Variants in DOCK10 observed in about 807,000 individuals in gnomAD.
DOCK10 encodes the protein dedicator of cytokinesis protein 10.
Under a neutral mutation model 280.1 loss-of-function variants are expected in DOCK10, and 145 were observed. The ratio of observed to expected loss-of-function variants is 0.52; its 90% CI spans 0.45 to 0.59. The LOEUF is 0.59. Among genes scored for constraint, DOCK10 ranks in the 20% least tolerant of loss-of-function variants. The pLI is 0.00. For synonymous variants in DOCK10, 915 were observed against 942.2 expected (o/e 0.97, Z 0.53); for missense variants, 2,368 against 2,651.7 (o/e 0.89, Z 2.35).
At chr2:224,866,216 T>C (rs1697902055) in intron 11 of DOCK10, among the ~76,000 whole-genome samples, 1 of 152,222 alleles carries the variant, frequency 6.6e-6, no homozygotes, top group Admixed American at 6.5e-5. Context: ...CAGTCAAAAC[T>C]GTTCCTCAGT....
intron 1 of DOCK10, among the ~76,000 whole-genome samples, chr2:224,950,624 C>T (rs993941765): frequency 9.9e-5 from 15 of 152,124 alleles, no homozygotes; most frequent in Non-Finnish European, 1.5e-4. Context: ...GAGGGTTTCC[C>T]CCCTTTATTT....
chr2:224,798,051 CAT>C, intron 41 of DOCK10, 82 bp from the exon 42 acceptor site: 1 of 1,404,480 alleles, frequency 7.1e-7, no homozygotes, highest in South Asian at 1.2e-5. Flanking sequence ...GTGAACCTGT[CAT>C]GTGGTAAGGC....
At chr2:224,997,819 G>A (rs1025531095) in intron 1 of DOCK10, among the ~76,000 whole-genome samples, 8 of 152,138 alleles carry the variant, frequency 5.3e-5, no homozygotes, top group Non-Finnish European at 7.3e-5. Context: ...TACCAAACAC[G>A]CAATATGGTT....
chr2:224,824,902 G>A (rs1339543261), intron 27 of DOCK10, among the ~76,000 whole-genome samples: 1 of 151,832 alleles, frequency 6.6e-6, no homozygotes, highest in Admixed American at 6.6e-5. Flanking sequence ...CATGAAGGCT[G>A]AAGTTACAGG....
chr2:224,844,631 T>A, intron 22 of DOCK10, 122 bp downstream of exon 22: 1 of 677,198 alleles, frequency 1.5e-6, no homozygotes, highest in South Asian at 1.8e-5. Context: ...TCCTTTGTAG[T>A]ATTCAAACAC....
chr2:225,038,328 G>T (rs2106145963), intron 1 of DOCK10, among the ~76,000 whole-genome samples: 1 of 151,720 alleles, frequency 6.6e-6, no homozygotes, highest in African/African-American at 2.4e-5. Context: ...ACCAAGTTCA[G>T]AGGGGAGAAA....
intron 19 of DOCK10, among the ~76,000 whole-genome samples, chr2:224,847,309 T>C (rs1324302186): frequency 1.3e-5 from 2 of 152,184 alleles, no homozygotes; most frequent in Non-Finnish European, 2.9e-5. Context: ...GGGCTGCACA[T>C]GTTAGGGGGC....
chr2:224,860,217 C>T (rs1286269821), intron 14 of DOCK10, among the ~76,000 whole-genome samples: 1 of 152,188 alleles, frequency 6.6e-6, no homozygotes, highest in Non-Finnish European at 1.5e-5. Flanking sequence ...AACTAGACAA[C>T]TTCAAAGCAG....
chr2:224,783,455 T>C (rs1022367902), intron 50 of DOCK10, among the ~76,000 whole-genome samples: 5 of 152,050 alleles, frequency 3.3e-5, no homozygotes, highest in Non-Finnish European at 1.5e-5. Context: ...TTTGTATTTT[T>C]AGTAGAGACA....
chr2:224,914,638 A>G (rs1701211713), intron 3 of DOCK10, among the ~76,000 whole-genome samples: 1 of 152,190 alleles, frequency 6.6e-6, no homozygotes, highest in Non-Finnish European at 1.5e-5. Context: ...AAAACACAAT[A>G]AAGAAACGCC....
At chr2:224,886,609 TAAC>T (rs1699299863) in intron 4 of DOCK10, 78 bp from the exon 5 acceptor site, 1 of 1,111,228 alleles carries the variant, frequency 9.0e-7, no homozygotes, top group African/African-American at 1.6e-5. Flanking sequence ...CAGGTAACAA[TAAC>T]AACTATGGTG....
chr2:224,973,886 C>G (rs1437214776), intron 1 of DOCK10, among the ~76,000 whole-genome samples: 1 of 152,182 alleles, frequency 6.6e-6, no homozygotes, highest in African/African-American at 2.4e-5. Flanking sequence ...CAATGTAAAT[C>G]AGGGCTGGCA....
intron 22 of DOCK10, among the ~76,000 whole-genome samples, chr2:224,843,842 G>A (rs374297773): frequency 1.4e-4 from 21 of 152,210 alleles, no homozygotes; most frequent in African/African-American, 4.1e-4. Flanking sequence ...ATAGACTTTC[G>A]CACTTCATGA....
In DOCK10 at chr2:224,954,708, T is replaced by C. The variant is rs79335593; in HGVS notation, c.124-23040A>G. 2.6e-4 allele frequency among the ~76,000 whole-genome samples: 39 copies of C among 152,360 alleles called. No homozygotes were observed. In the East Asian group the frequency reaches 6.6e-3, roughly 26 times the overall value. On this transcript the variant is annotated intron_variant, in intron 1 of 55. Transcript: ENST00000258390. ...TCATAGCATTTCTAAACATGTTTCA[T>C]ACAAATATATATGCCTGGATTGATA... is the stretch of plus-strand genomic sequence containing the variant.
chr2:224,949,931 T>G (rs1703635366), intron 1 of DOCK10, among the ~76,000 whole-genome samples: 1 of 152,132 alleles, frequency 6.6e-6, no homozygotes, highest in South Asian at 2.1e-4. Flanking sequence ...AAGAAAAAAT[T>G]AGAAATCTGC....
intron 1 of DOCK10, among the ~76,000 whole-genome samples, chr2:225,002,480 G>T (rs1706465471): frequency 6.6e-6 from 1 of 152,148 alleles, no homozygotes; most frequent in Non-Finnish European, 1.5e-5. Flanking sequence ...ACCTCTTAGG[G>T]TCCTTTATTG....
chr2:224,888,065 T>C (rs1302116367), intron 4 of DOCK10, among the ~76,000 whole-genome samples: 2 of 152,166 alleles, frequency 1.3e-5, no homozygotes, highest in African/African-American at 4.8e-5. Flanking sequence ...CCTCTGGGTA[T>C]ATATTTGAAG....
chr2:224,784,467 T>C (rs1477214510), intron 50 of DOCK10, among the ~76,000 whole-genome samples: 4 of 152,242 alleles, frequency 2.6e-5, no homozygotes, highest in Admixed American at 1.3e-4. Flanking sequence ...TGTTTGTGTA[T>C]GTAAGGCTTT....
chr2:224,840,053 T>A lies in DOCK10; in HGVS notation c.2681A>T (p.Lys894Met). 1 of 1,541,358 alleles carries A rather than the reference T, an allele frequency of 6.5e-7. No homozygotes were observed. Among genetic ancestry groups the A allele is most frequent in the Non-Finnish European group, 8.8e-7 (1 of 1,134,948 alleles). The change falls in exon 24 of 56, where the codon AAG becomes ATG. Residue 894 changes from lysine (K) to methionine (M), a missense_variant. Physicochemically the swap from Lys to Met is moderately conservative, Grantham distance 95. Around this residue, in one of 2 missense-constraint regions of DOCK10, gnomAD observed 1,209 missense variants for 1,250.9 expected, o/e 0.97. Coordinates refer to ENST00000258390, the MANE Select transcript of DOCK10 (RefSeq NM_014689.3). ...CAGAAAACTCATGATTGCATGAATCTTTTCCACATTCAATAAGTTCTGTAG... is the reference window on the plus strand; with the variant it reads ...CAGAAAACTCATGATTGCATGAATCATTTCCACATTCAATAAGTTCTGTAG... ...RSCKNLLNVEKIHAIMSFLPI... is the reference protein window; with the variant it reads ...RSCKNLLNVEMIHAIMSFLPI...
Sources: gnomAD v4.1 joint callset for allele counts (sites outside exome capture counted in the v4.1 genomes callset) on GRCh38, gnomAD v4.1.1 for gene constraint, gnomAD v4.1.1 regional missense constraint, MANE v1.5 for transcripts, NCBI Gene and HGNC (gene_info 2026-07-23, HGNC 2026-07-21) for gene names.